AOPEP: variants seen among roughly 807,000 people sequenced by gnomAD.
The protein encoded by AOPEP is aminopeptidase O.
Under a neutral mutation model 98.1 loss-of-function variants are expected in AOPEP, and 77 were observed. The ratio of observed to expected loss-of-function variants is 0.78; its 90% confidence interval spans 0.65 to 0.95. The LOEUF is 0.95. Among genes scored for constraint, AOPEP ranks in the 40% least tolerant of loss-of-function variants. AOPEP has a pLI of 0.00. For synonymous variants in AOPEP, 346 were observed against 365.3 expected (o/e 0.95, Z 0.60); for missense variants, 1,024 against 1,024.7 (o/e 1.00, Z 0.01).
rs146908604 is a variant in AOPEP at position 94,834,586 on chromosome 9, A to C, written c.1364+33584A>C. Among the ~76,000 whole-genome samples the C allele has an allele frequency of 6.4e-3, 969 of 152,330 alleles. 15 individuals are homozygous for C. Among genetic ancestry groups the C allele is most frequent in the African/African-American group, 0.022 (919 of 41,568 alleles). On this transcript the variant is annotated intron_variant, in intron 5 of 16. Coordinates refer to ENST00000375315, the MANE Select transcript of AOPEP (RefSeq NM_001193329.3). ...GGCAGGTGAATCGCTTGAGGCCAGT[A>C]GTTCCAGATCATTGTGGGTAACATG...
intron 5 of AOPEP, among the ~76,000 whole-genome samples, chr9:94,851,888 T>C (rs2043594650): frequency 6.6e-6 from 1 of 151,468 alleles, no homozygotes; most frequent in Non-Finnish European, 1.5e-5. Flanking sequence ...AGCCCAGACA[T>C]TGGTGCTTTA....
In AOPEP at chr9:95,032,523, C is replaced by T. The variant is rs141253107; in HGVS notation, c.2115+26907C>T. Among the ~76,000 whole-genome samples the T allele has an allele frequency of 4.6e-5, 7 of 152,330 alleles. No homozygotes were observed. The East Asian group carries it at 1.2e-3, about 25-fold the overall frequency. On this transcript the variant is annotated intron_variant, in intron 13 of 16. Transcript: ENST00000375315. Reference sequence around the variant, plus strand: ...TCTCCTCTGTCCTATGGTGAGCCAGCGAAAGGTGGCGATGTGCACTACCAG... The same window carrying T: ...TCTCCTCTGTCCTATGGTGAGCCAGTGAAAGGTGGCGATGTGCACTACCAG...
chr9:94,803,250 T>C (rs1848567317), intron 5 of AOPEP, among the ~76,000 whole-genome samples: 1 of 152,218 alleles, frequency 6.6e-6, no homozygotes, highest in Admixed American at 6.5e-5. Context: ...CGAGTCCATA[T>C]TTTATAAACA....
chr9:94,742,537 T>G (rs1833387042), intron 1 of AOPEP, among the ~76,000 whole-genome samples: 1 of 151,754 alleles, frequency 6.6e-6, no homozygotes, highest in Non-Finnish European at 1.5e-5. Context: ...CAGGTTCAAG[T>G]GATTCCCCTG....
rs1054194838 is a variant in AOPEP at position 95,070,205 on chromosome 9, G to GC, written c.2232+9401dup. ...TTTGCCCTGTGGCTACTCTGCAGAGGCCCCCCTTACCAGCCAGTCAGCCCA... is the reference window on the plus strand; with the variant it reads ...TTTGCCCTGTGGCTACTCTGCAGAGGCCCCCCCTTACCAGCCAGTCAGCCCA... On this transcript the variant is annotated intron_variant, in intron 14 of 16. Transcript: ENST00000375315. Among the ~76,000 whole-genome samples the GC allele has an allele frequency of 2.0e-4, 30 of 152,300 alleles. No homozygotes were observed. The South Asian group carries it at 3.3e-3, about 17-fold the overall frequency.
intron 14 of AOPEP, among the ~76,000 whole-genome samples, chr9:95,077,079 C>G (rs1445809387): frequency 1.3e-5 from 2 of 152,202 alleles, no homozygotes; most frequent in African/African-American, 2.4e-5. Context: ...GACACTATCT[C>G]TTGGTAGGTC....
At chr9:95,146,257 C>T in the AOPEP span, among the ~76,000 whole-genome samples, 2 of 151,950 alleles carry the variant, frequency 1.3e-5, no homozygotes, top group African/African-American at 4.8e-5. Flanking sequence ...GAGGCCAAGA[C>T]AGGCAGACTC....
At chr9:94,878,606 A>G (rs2047233892) in intron 5 of AOPEP, among the ~76,000 whole-genome samples, 1 of 152,150 alleles carries the variant, frequency 6.6e-6, no homozygotes, top group African/African-American at 2.4e-5. Context: ...AGAGTGGAAC[A>G]TCCATTAGGT....
At chr9:95,132,776 G>A in the AOPEP span, among the ~76,000 whole-genome samples, 1 of 152,116 alleles carries the variant, frequency 6.6e-6, no homozygotes, top group Non-Finnish European at 1.5e-5. Flanking sequence ...TCAGACCTGC[G>A]AGTCCAAGAG....
chr9:94,788,250 A>T lies in AOPEP; in HGVS notation c.965-4515A>T, dbSNP rs574676438. On this transcript the variant is annotated intron_variant, in intron 3 of 16. Transcript: ENST00000375315. ...CAATGCACCTGGCTAATAAAAAAAA[A>T]TTTTTTTTTGTAGAGATGGGATCCC... Among the ~76,000 whole-genome samples the T allele has an allele frequency of 4.7e-4, 71 of 151,080 alleles. 1 individual carries two copies. The highest frequency in any genetic ancestry group is 1.5e-3 in the Admixed American group (22 of 15,128).
intron 5 of AOPEP, among the ~76,000 whole-genome samples, chr9:94,900,080 C>A (rs1225525947): frequency 6.6e-6 from 1 of 152,128 alleles, no homozygotes; most frequent in Non-Finnish European, 1.5e-5. Flanking sequence ...AGGTTAGAAA[C>A]CACAGTTATA....
intron 10 of AOPEP, among the ~76,000 whole-genome samples, chr9:94,977,669 G>A (rs1455555226): frequency 6.6e-6 from 1 of 152,164 alleles, no homozygotes; most frequent in Non-Finnish European, 1.5e-5. Context: ...CTTACAGGGG[G>A]ACTTGGCCAT....
chr9:94,955,803 C>G, intron 8 of AOPEP, 105 bp from the exon 9 acceptor site: 1 of 712,030 alleles, frequency 1.4e-6, no homozygotes, highest in Non-Finnish European at 2.4e-6. Context: ...ACGGCACATT[C>G]TAGATGCACA....
chr9:95,014,920 G>T (rs539217538), intron 13 of AOPEP, among the ~76,000 whole-genome samples: 13 of 152,278 alleles, frequency 8.5e-5, no homozygotes, highest in Non-Finnish European at 1.3e-4. Flanking sequence ...AGTCCCCCAC[G>T]TAAGAGGCTG....
At chr9:94,820,637 T>C (rs1421576947) in intron 5 of AOPEP, among the ~76,000 whole-genome samples, 1 of 152,240 alleles carries the variant, frequency 6.6e-6, no homozygotes, top group Non-Finnish European at 1.5e-5. Flanking sequence ...ATTTAAATAG[T>C]CAGTGAATCA....
At chr9:94,759,200 C>A (rs778375465) in intron 1 of AOPEP, among the ~76,000 whole-genome samples, 7 of 152,194 alleles carry the variant, frequency 4.6e-5, no homozygotes, top group Admixed American at 4.6e-4. Flanking sequence ...TAAATTATTA[C>A]TCTCAAGGAA....
the AOPEP span, chr9:95,114,521 G>A: frequency 1.0e-6 from 1 of 985,448 alleles, no homozygotes; most frequent in South Asian, 1.3e-5. Flanking sequence ...GTTTGGTGAT[G>A]GTCCCAGACC....
chr9:95,093,648 A>G, the AOPEP span, among the ~76,000 whole-genome samples: 1 of 152,188 alleles, frequency 6.6e-6, no homozygotes, highest in African/African-American at 2.4e-5. Context: ...AATCACTATA[A>G]TGAAGTTGAT....
chr9:95,043,746 C>T (rs1260112318), intron 13 of AOPEP, among the ~76,000 whole-genome samples: 1 of 152,110 alleles, frequency 6.6e-6, no homozygotes, highest in Non-Finnish European at 1.5e-5. Context: ...CACAGTGCAG[C>T]CTTAACCTTC....
Sources: allele counts gnomAD v4.1 joint callset (sites outside exome capture counted in the v4.1 genomes callset), GRCh38; gene constraint gnomAD v4.1.1; transcripts MANE v1.5; gene names NCBI Gene and HGNC (gene_info 2026-07-23, HGNC 2026-07-21).